The following PAPPA2 variants were observed in gnomAD, a reference collection of about 807,000 sequenced individuals.
PAPPA2 encodes pappalysin 2.
In PAPPA2, 86 loss-of-function variants were observed where a neutral mutation model predicts 176.4. That is an observed-to-expected ratio of 0.49 (90% CI 0.41 to 0.58). The LOEUF (loss-of-function observed/expected upper bound fraction) is 0.58, where lower values mean the gene tolerates loss of function less well. Ranked by LOEUF, PAPPA2 falls within the 20% of genes least tolerant of loss-of-function variation. PAPPA2 has a pLI of 0.00. For missense variants in PAPPA2, 2,073 were observed against 2,256.9 expected (o/e 0.92, Z 1.65); for synonymous variants, 809 against 852.2 (o/e 0.95, Z 0.88).
At chr1:176,535,111 A>G (rs1230656525) in intron 1 of PAPPA2, among the ~76,000 whole-genome samples, 1 of 152,186 alleles carries the variant, frequency 6.6e-6, no homozygotes, top group Non-Finnish European at 1.5e-5. Flanking sequence ...GAAAAATGGG[A>G]AGAAGGAAGC....
intron 8 of PAPPA2, among the ~76,000 whole-genome samples, chr1:176,700,679 A>G (rs1229059250): frequency 2.0e-5 from 3 of 152,212 alleles, no homozygotes; most frequent in Admixed American, 6.5e-5. Context: ...GCTTTATGTT[A>G]TTCATGATAA....
At chr1:176,586,976 A>G (rs886516278) in intron 2 of PAPPA2, among the ~76,000 whole-genome samples, 1 of 152,160 alleles carries the variant, frequency 6.6e-6, no homozygotes, top group Non-Finnish European at 1.5e-5. Flanking sequence ...TTTTTTAATA[A>G]TCACCATTCT....
chr1:176,797,212 T>C (rs1010098660), intron 20 of PAPPA2, among the ~76,000 whole-genome samples: 7 of 152,216 alleles, frequency 4.6e-5, no homozygotes, highest in Admixed American at 1.3e-4. Flanking sequence ...GAGGGACATA[T>C]ATAGGAGACA....
Position 176,543,432 on chromosome 1 carries a change from AG to A in PAPPA2, c.-916-11974del, listed in dbSNP as rs1316863194. On this transcript the variant is annotated intron_variant, in intron 1 of 22. Coordinates refer to ENST00000367662, the MANE Select transcript of PAPPA2 (RefSeq NM_020318.3). Reference sequence around the variant, plus strand: ...TCCTTTCTCTGCCTTCTCAATATTGAGCCCCACATTCCAGCTTCATCTCTGC... The same window carrying A: ...TCCTTTCTCTGCCTTCTCAATATTGACCCCACATTCCAGCTTCATCTCTGC... Among the ~76,000 whole-genome samples the A allele has an allele frequency of 2.0e-5, 3 of 151,946 alleles. No homozygotes were observed. In the South Asian group the frequency reaches 6.2e-4, roughly 32 times the overall value.
At chr1:176,596,274 C>T (rs1181870025) in intron 3 of PAPPA2, among the ~76,000 whole-genome samples, 2 of 152,176 alleles carry the variant, frequency 1.3e-5, no homozygotes, top group South Asian at 2.1e-4. Flanking sequence ...AACCCCCTAC[C>T]TGATACACAG....
intron 12 of PAPPA2, among the ~76,000 whole-genome samples, chr1:176,735,031 A>G (rs1490862362): frequency 6.6e-6 from 1 of 152,168 alleles, no homozygotes; most frequent in Non-Finnish European, 1.5e-5. Context: ...CAGAGCTTAA[A>G]TTGGGAAAAA....
chr1:176,778,337 G>T (rs995480781), intron 17 of PAPPA2, among the ~76,000 whole-genome samples: 1 of 152,108 alleles, frequency 6.6e-6, no homozygotes, highest in Non-Finnish European at 1.5e-5. Context: ...TAATCAGCAA[G>T]ATAGATCTGG....
At chr1:176,604,514 A>G (rs1156944242) in intron 3 of PAPPA2, among the ~76,000 whole-genome samples, 1 of 152,232 alleles carries the variant, frequency 6.6e-6, no homozygotes, top group Admixed American at 6.5e-5. Flanking sequence ...TTTTGTAAAT[A>G]AAATTATTTT....
chr1:176,478,113 C>G (rs192916462), intron 1 of PAPPA2, among the ~76,000 whole-genome samples: 12 of 152,302 alleles, frequency 7.9e-5, no homozygotes, highest in Admixed American at 7.8e-4. Context: ...TGAGTAGCTT[C>G]TGCTATTAAA....
chr1:176,771,787 C>CT (rs774091289), intron 17 of PAPPA2, among the ~76,000 whole-genome samples: 3 of 152,200 alleles, frequency 2.0e-5, no homozygotes, highest in African/African-American at 4.8e-5. Context: ...GCAAGAAACA[C>CT]TTTTCCTCCA....
At chr1:176,541,055 G>T (rs1332548758) in intron 1 of PAPPA2, among the ~76,000 whole-genome samples, 1 of 152,172 alleles carries the variant, frequency 6.6e-6, no homozygotes, top group Non-Finnish European at 1.5e-5. Context: ...TATTTTTTCA[G>T]TAATGGGAGC....
At chr1:176,474,966 G>A (rs997723976) in intron 1 of PAPPA2, among the ~76,000 whole-genome samples, 2 of 152,148 alleles carry the variant, frequency 1.3e-5, no homozygotes, top group African/African-American at 4.8e-5. Context: ...TCTTTATAAA[G>A]CAACTAAAAT....
intron 1 of PAPPA2, among the ~76,000 whole-genome samples, chr1:176,533,392 A>G (rs1343847772): frequency 6.6e-6 from 1 of 152,212 alleles, no homozygotes; most frequent in Admixed American, 6.5e-5. Flanking sequence ...CCATCACCAT[A>G]AGCCATTTTA....
chr1:176,574,510 T>C (rs1279099118), intron 2 of PAPPA2, among the ~76,000 whole-genome samples: 1 of 152,190 alleles, frequency 6.6e-6, no homozygotes, highest in Non-Finnish European at 1.5e-5. Flanking sequence ...AAAAAAAATT[T>C]TCAATTGACT....
chr1:176,612,002 C>G (rs1170724429), intron 3 of PAPPA2, among the ~76,000 whole-genome samples: 3 of 152,042 alleles, frequency 2.0e-5, no homozygotes, highest in Admixed American at 6.5e-5. Flanking sequence ...TACAACATAC[C>G]TTTTTGCAGG....
chr1:176,702,513 T>C (rs1459063474), intron 8 of PAPPA2, 94 bp from the exon 9 acceptor site: 20 of 1,528,720 alleles, frequency 1.3e-5, no homozygotes, highest in Non-Finnish European at 1.7e-5. Flanking sequence ...TTTCCCATAA[T>C]ATTTCCCTTC....
intron 22 of PAPPA2, among the ~76,000 whole-genome samples, chr1:176,841,782 C>T (rs1311746946): frequency 1.3e-5 from 2 of 152,102 alleles, no homozygotes; most frequent in East Asian, 3.9e-4. Context: ...ATATCCTGGG[C>T]TCAAGAAGAG....
chr1:176,721,323 C>CA (rs1201036648), intron 12 of PAPPA2, among the ~76,000 whole-genome samples: 1 of 152,188 alleles, frequency 6.6e-6, no homozygotes, highest in African/African-American at 2.4e-5. Flanking sequence ...TTGCTCTCTG[C>CA]ATTTTTAAAG....
At chr1:176,646,032 C>A (rs1038311701) in intron 3 of PAPPA2, among the ~76,000 whole-genome samples, 3 of 151,536 alleles carry the variant, frequency 2.0e-5, no homozygotes, top group Admixed American at 2.0e-4. Context: ...TTCTTTCATT[C>A]TATGGGTTGT....
Sources: gnomAD v4.1 joint callset for allele counts (sites outside exome capture counted in the v4.1 genomes callset) on GRCh38, gnomAD v4.1.1 for gene constraint, MANE v1.5 for transcripts, NCBI Gene and HGNC (gene_info 2026-07-23, HGNC 2026-07-21) for gene names.